MECOM: variants seen among roughly 807,000 people sequenced by gnomAD.
The protein encoded by MECOM is MDS1 and EVI1 complex locus.
In MECOM, 13 loss-of-function variants were observed where a neutral mutation model predicts 116.3. That is an observed-to-expected ratio of 0.11 (90% CI 0.07 to 0.18). MECOM has a LOEUF of 0.18. Among genes scored for constraint, MECOM ranks in the 10% least tolerant of loss-of-function variants. The probability of loss-of-function intolerance (pLI) is 1.00; values close to 1 mark genes in which losing one functional copy is unlikely to be tolerated. For synonymous variants in MECOM, 528 were observed against 535.2 expected, an observed-to-expected ratio of 0.99 and a Z score of 0.19; for missense variants, 1,299 against 1,509.0, an observed-to-expected ratio of 0.86 and a Z score of 2.31.
intron 1 of MECOM, among the ~76,000 whole-genome samples, chr3:169,424,141 T>C (rs1395924588): frequency 6.6e-6 from 1 of 152,054 alleles, no homozygotes; most frequent in Non-Finnish European, 1.5e-5. Flanking sequence ...CCAATTGAAA[T>C]AAAGAAAAAC....
chr3:169,475,482 C>T (rs1046763255), intron 1 of MECOM, among the ~76,000 whole-genome samples: 8 of 152,126 alleles, frequency 5.3e-5, no homozygotes, highest in Non-Finnish European at 7.4e-5. Context: ...CTGAGAATTT[C>T]TAAGGCCAGG....
chr3:169,584,564 CA>C (rs11323716), intron 1 of MECOM, among the ~76,000 whole-genome samples: 69,112 of 108,424 alleles, frequency 0.64, 19,480 homozygotes, highest in South Asian at 0.7. Context: ...AACTCCACCT[CA>C]AAAAAAAAAA....
At chr3:169,207,332 T>A (rs1248091753) in intron 2 of MECOM, among the ~76,000 whole-genome samples, 1 of 152,136 alleles carries the variant, frequency 6.6e-6, no homozygotes, top group Non-Finnish European at 1.5e-5. Context: ...GAATATCCCA[T>A]CTGGATACAC....
intron 1 of MECOM, among the ~76,000 whole-genome samples, chr3:169,562,822 G>A (rs2109377095): frequency 6.6e-6 from 1 of 152,296 alleles, no homozygotes; most frequent in South Asian, 2.1e-4. Flanking sequence ...AGCACTTTGG[G>A]AGGCCAAGGC....
intron 2 of MECOM, among the ~76,000 whole-genome samples, chr3:169,224,101 G>A (rs1752444874): frequency 6.6e-6 from 1 of 152,158 alleles, no homozygotes; most frequent in Non-Finnish European, 1.5e-5. Context: ...AGGATATGGT[G>A]TGGTATCGAT....
At chr3:169,143,929 T>C (rs1738913899) in intron 2 of MECOM, 97 bp from the exon 3 acceptor site, 1 of 1,338,128 alleles carries the variant, frequency 7.5e-7, no homozygotes, top group Non-Finnish European at 9.8e-7. Context: ...GTATATTCCT[T>C]CTTTGGATCC....
chr3:169,239,331 T>C (rs1210533155), intron 2 of MECOM, among the ~76,000 whole-genome samples: 1 of 151,960 alleles, frequency 6.6e-6, no homozygotes, highest in Non-Finnish European at 1.5e-5. Context: ...TATTAGAGTA[T>C]TTGAAATATA....
intron 1 of MECOM, among the ~76,000 whole-genome samples, chr3:169,437,370 G>A (rs1372519183): frequency 2.0e-5 from 3 of 152,154 alleles, no homozygotes; most frequent in Non-Finnish European, 4.4e-5. Flanking sequence ...ATACAGGAAG[G>A]TTTATTGTTA....
Position 169,441,917 on chromosome 3 carries a change from A to T in MECOM, c.38-60393T>A, listed in dbSNP as rs866284668. Among the ~76,000 whole-genome samples the T allele has an allele frequency of 7.7e-3, 1,116 of 144,768 alleles. 10 individuals carry two copies. The highest frequency in any genetic ancestry group is 0.028 in the African/African-American group (1,075 of 38,804). 95.0% of individuals were successfully genotyped at this position (144,768 alleles called of 152,430 possible). On this transcript the variant is annotated intron_variant, in intron 1 of 16. Coordinates refer to ENST00000651503, the MANE Select transcript of MECOM (RefSeq NM_004991.4). ...GGCTAATGTTTTGTTTTGTTTTGTT[A>T]TGTTTTGTTTTGTTTTGTTTTGTTT... is the stretch of plus-strand genomic sequence containing the variant.
intron 1 of MECOM, among the ~76,000 whole-genome samples, chr3:169,401,656 G>A (rs952281789): frequency 1.4e-4 from 21 of 152,134 alleles, no homozygotes; most frequent in African/African-American, 4.8e-4. Context: ...AAGAAGGGAA[G>A]AATAAGCTGA....
intron 1 of MECOM, among the ~76,000 whole-genome samples, chr3:169,414,543 T>G (rs901853634): frequency 6.6e-6 from 1 of 152,154 alleles, no homozygotes; most frequent in Non-Finnish European, 1.5e-5. Flanking sequence ...GTTTGATGAA[T>G]TGACAGAAGT....
chr3:169,331,077 C>T (rs1272481388), intron 2 of MECOM, among the ~76,000 whole-genome samples: 1 of 151,924 alleles, frequency 6.6e-6, no homozygotes, highest in Non-Finnish European at 1.5e-5. Flanking sequence ...ACTACTACCC[C>T]ACCCTGTTTA....
intron 3 of MECOM, chr3:169,133,778 T>G: frequency 2.3e-6 from 1 of 428,100 alleles, no homozygotes; most frequent in South Asian, 2.2e-5. Context: ...AGATTTAAAA[T>G]AATAATAAAA....
At chr3:169,594,371 T>C (rs1056365307) in intron 1 of MECOM, among the ~76,000 whole-genome samples, 1 of 152,050 alleles carries the variant, frequency 6.6e-6, no homozygotes, top group Non-Finnish European at 1.5e-5. Context: ...CTTAGAGTTC[T>C]TGTCCCTAAA....
chr3:169,148,991 G>T (rs1740636491), intron 2 of MECOM, among the ~76,000 whole-genome samples: 1 of 151,690 alleles, frequency 6.6e-6, no homozygotes, highest in Non-Finnish European at 1.5e-5. Context: ...TTCCCGTAGA[G>T]TTGGGCGCTT....
At chr3:169,324,404 G>A (rs1482436845) in intron 2 of MECOM, among the ~76,000 whole-genome samples, 1 of 152,158 alleles carries the variant, frequency 6.6e-6, no homozygotes, top group Non-Finnish European at 1.5e-5. Context: ...CATGGCTGGA[G>A]GATTTCAAAC....
At chr3:169,398,449 C>T (rs1166862478) in intron 1 of MECOM, among the ~76,000 whole-genome samples, 2 of 152,110 alleles carry the variant, frequency 1.3e-5, no homozygotes, top group Admixed American at 1.3e-4. Flanking sequence ...ATACTTTATC[C>T]TGGGTCATCA....
At chr3:169,204,709 A>G (rs1304373094) in intron 2 of MECOM, among the ~76,000 whole-genome samples, 1 of 152,192 alleles carries the variant, frequency 6.6e-6, no homozygotes, top group Non-Finnish European at 1.5e-5. Context: ...ACAATGGCCT[A>G]AGACATTTTT....
intron 2 of MECOM, among the ~76,000 whole-genome samples, chr3:169,205,196 T>A (rs1016084354): frequency 3.3e-5 from 5 of 152,146 alleles, no homozygotes; most frequent in African/African-American, 1.2e-4. Flanking sequence ...TGAATTTTTA[T>A]AAGTGAGTTA....
Sources: gnomAD v4.1 joint callset for allele counts (sites outside exome capture counted in the v4.1 genomes callset) on GRCh38, gnomAD v4.1.1 for gene constraint, MANE v1.5 for transcripts, NCBI Gene and HGNC (gene_info 2026-07-23, HGNC 2026-07-21) for gene names.